The following CRTC1 variants were observed in gnomAD, a reference collection of about 807,000 sequenced individuals.
CRTC1 encodes the protein CREB-regulated transcription coactivator 1.
A neutral mutation model predicts 66.1 loss-of-function variants in CRTC1; 18 were observed. The ratio of observed to expected loss-of-function variants is 0.27; its 90% CI spans 0.19 to 0.40. The LOEUF is 0.40. Ranked by LOEUF, CRTC1 falls within the 10% of genes least tolerant of loss-of-function variation. The pLI, the probability that CRTC1 is intolerant of heterozygous loss-of-function variation, is 1.00. For missense variants in CRTC1, 669 were observed against 887.9 expected, an observed-to-expected ratio of 0.75 and a Z score of 3.13; for synonymous variants, 416 against 398.8, an observed-to-expected ratio of 1.04 and a Z score of -0.51.
At chr19:18,695,742 G>A (rs2052969735) in intron 1 of CRTC1, among the ~76,000 whole-genome samples, 1 of 152,164 alleles carries the variant, frequency 6.6e-6, no homozygotes, top group Admixed American at 6.6e-5. Context: ...GTGGGCGCCT[G>A]TGGTCCCAGC....
Position 18,777,096 on chromosome 19 carries a change from G to C in CRTC1, c.1694-75G>C. 1.2e-6 allele frequency: 1 copy of C among 844,378 alleles called. No homozygotes were observed. The highest frequency in any genetic ancestry group is 1.5e-5 in the South Asian group (1 of 67,626). 52.3% of individuals were successfully genotyped at this position (844,378 alleles called of 1,614,324 possible). A position where few individuals can be genotyped will look rare whatever the true frequency, so the allele number is the denominator to read the frequency against. On this transcript the variant is annotated intron_variant, in intron 13 of 13. Transcript: ENST00000321949. The surrounding 1 kb of genome is among the most constrained non-coding windows in gnomAD (Gnocchi z 5.5). Reference sequence around the variant, plus strand: ...GGGGACAGAGTCGCCCGGCGGGCATGCCTGGTCCGACACATGGATGCGAGC... The same window carrying C: ...GGGGACAGAGTCGCCCGGCGGGCATCCCTGGTCCGACACATGGATGCGAGC...
intron 1 of CRTC1, among the ~76,000 whole-genome samples, chr19:18,712,258 T>C (rs544998745): frequency 3.6e-4 from 53 of 147,826 alleles, no homozygotes; most frequent in South Asian, 2.2e-3. Flanking sequence ...GTTAGACGTT[T>C]GTTTGTTTGT....
At chr19:18,696,250 T>G (rs1161211413) in intron 1 of CRTC1, among the ~76,000 whole-genome samples, 2 of 151,892 alleles carry the variant, frequency 1.3e-5, no homozygotes, top group African/African-American at 4.8e-5. Flanking sequence ...CTGGTCAGGG[T>G]GAGGCAGGGC....
Position 18,729,300 on chromosome 19 carries a change from C to T in CRTC1, c.127-13610C>T, listed in dbSNP as rs558324637. Among the ~76,000 whole-genome samples the T allele has an allele frequency of 2.0e-5, 3 of 151,370 alleles. No homozygotes were observed. In the South Asian group the frequency reaches 6.2e-4, roughly 31 times the overall value. On this transcript the variant is annotated intron_variant, in intron 1 of 13. Transcript: ENST00000321949. The stretch of plus-strand genomic sequence containing the variant: ...AATTAGCCGGGCGTGGCGGCGGGCA[C>T]CTGTAGTCCCAGCTACTCAGGGGGC...
At chr19:18,724,806 TA>T (rs2053709482) in intron 1 of CRTC1, among the ~76,000 whole-genome samples, 1 of 149,656 alleles carries the variant, frequency 6.7e-6, no homozygotes, top group Admixed American at 6.7e-5. Flanking sequence ...TTTTTTCAAA[TA>T]AGGTCATACT....
intron 2 of CRTC1, among the ~76,000 whole-genome samples, chr19:18,744,867 G>C (rs1385772093): frequency 6.6e-6 from 1 of 152,192 alleles, no homozygotes; most frequent in African/African-American, 2.4e-5. Flanking sequence ...CTCTGGCCGA[G>C]GCTGGGACAA....
At chr19:18,730,244 C>G (rs1008642169) in intron 1 of CRTC1, among the ~76,000 whole-genome samples, 4 of 129,240 alleles carry the variant, frequency 3.1e-5, no homozygotes, top group African/African-American at 1.2e-4. Context: ...TGTGTAGATC[C>G]CACGAAGCAC....
At chr19:18,726,863 T>C (rs1384107798) in intron 1 of CRTC1, among the ~76,000 whole-genome samples, 1 of 142,710 alleles carries the variant, frequency 7.0e-6, no homozygotes, top group Non-Finnish European at 1.5e-5. Flanking sequence ...GAGGTGGAGG[T>C]TGCAGCGAGC....
Position 18,782,207 on chromosome 19 carries a change from C to T in CRTC1, c.*4825C>T, listed in dbSNP as rs1445868384. On this transcript the variant is annotated 3_prime_UTR_variant, in exon 14 of 14. Coordinates refer to ENST00000321949, the MANE Select transcript of CRTC1 (RefSeq NM_015321.3). ...GGGCCATGATTGTGGGCGGCCGCAG[C>T]GGGCGGGGGCAGGCGGCTCAGGGCA... 3 of 228,594 alleles carry T rather than the reference C, an allele frequency of 1.3e-5. No individual in the cohort carries two copies. Among genetic ancestry groups the T allele is most frequent in the Admixed American group, 5.4e-5 (1 of 18,510 alleles). The allele number at this position is 228,594 out of a possible 1,614,324, so 14.2% of individuals were successfully genotyped here. A position where few individuals can be genotyped will look rare whatever the true frequency, so the allele number is the denominator to read the frequency against.
chr19:18,777,277 C>G lies in CRTC1; in HGVS notation c.1800C>G (p.Leu600=), dbSNP rs2055011450. Residue 600 remains leucine (L), a synonymous_variant, in exon 14 of 14, where the codon CTC becomes CTG. Coordinates refer to ENST00000321949, the MANE Select transcript of CRTC1 (RefSeq NM_015321.3). This position sits in a 1 kb window ranked among gnomAD's most constrained non-coding sequence, Gnocchi z 5.5. Reference sequence around the variant, plus strand: ...ACAGCCAGTTTCCCCTGGACGAACTCAAGATCGACCCCCTGACCCTCGACG... The same window carrying G: ...ACAGCCAGTTTCCCCTGGACGAACTGAAGATCGACCCCCTGACCCTCGACG... ...DSDSQFPLDE[L]KIDPLTLDGL... 1 of 1,612,598 alleles carries G rather than the reference C, an allele frequency of 6.2e-7. No homozygotes were observed. Among genetic ancestry groups the G allele is most frequent in the African/African-American group, 1.3e-5 (1 of 75,034 alleles).
Position 18,706,182 on chromosome 19 carries a change from C to CTTT in CRTC1, c.126+22393_126+22395dup, listed in dbSNP as rs58104974. ...GGGCTTTCTATTCTATTCCATTGGT[C>CTTT]TTTTTTTTTTTTTTTTTTTTTTTTT... On this transcript the variant is annotated intron_variant, in intron 1 of 13. Coordinates refer to ENST00000321949, the MANE Select transcript of CRTC1 (RefSeq NM_015321.3). 5.3e-4 allele frequency among the ~76,000 whole-genome samples: 10 copies of CTTT among 18,720 alleles called. 4 individuals carry two copies. The highest frequency in any genetic ancestry group is 7.6e-4 in the Non-Finnish European group (7 of 9,218). 12.3% of individuals were successfully genotyped at this position (18,720 alleles called of 152,430 possible).
intron 1 of CRTC1, among the ~76,000 whole-genome samples, chr19:18,706,616 C>T (rs545634600): frequency 1.3e-5 from 2 of 151,922 alleles, no homozygotes; most frequent in Non-Finnish European, 2.9e-5. Flanking sequence ...TTTTGTTATT[C>T]TTTTTCAATA....
At chr19:18,756,905 C>T (rs752509779) in intron 6 of CRTC1, among the ~76,000 whole-genome samples, 5 of 152,104 alleles carry the variant, frequency 3.3e-5, no homozygotes, top group Non-Finnish European at 5.9e-5. Context: ...TGCAGAAATC[C>T]GGTAATGAAG....
At chr19:18,733,302 A>T (rs1347417649) in intron 1 of CRTC1, among the ~76,000 whole-genome samples, 1 of 152,026 alleles carries the variant, frequency 6.6e-6, no homozygotes, top group Non-Finnish European at 1.5e-5. Context: ...TTTTGTGGGG[A>T]GGGAGGCCCC....
At position 18,683,748 on chromosome 19, in the gene CRTC1, C is replaced by T; in HGVS notation, c.46C>T (p.Leu16=). 3 of 1,402,588 alleles carry T rather than the reference C, an allele frequency of 2.1e-6. No homozygotes were observed. Among genetic ancestry groups the T allele is most frequent in the Non-Finnish European group, 2.8e-6 (3 of 1,054,590 alleles). 86.9% of individuals were successfully genotyped at this position (1,402,588 alleles called of 1,614,324 possible). ...GCGGAAATTCAGCGAGAAGATCGCG[C>T]TGCACAATCAGAAGCAGGCGGAGGA... The part of the protein sequence containing the change: ...NPRKFSEKIA[L]HNQKQAEETA... Residue 16 remains leucine (L), a synonymous_variant, in exon 1 of 14, where the codon CTG becomes TTG. Transcript: ENST00000321949.
chr19:18,690,712 G>A (rs1053854480), intron 1 of CRTC1, among the ~76,000 whole-genome samples: 7 of 152,026 alleles, frequency 4.6e-5, no homozygotes, highest in African/African-American at 7.2e-5. Context: ...CCCTAAATCC[G>A]GTGACTGGTA....
At chr19:18,711,358 C>G (rs1287190415) in intron 1 of CRTC1, among the ~76,000 whole-genome samples, 6 of 152,120 alleles carry the variant, frequency 3.9e-5, no homozygotes, top group Non-Finnish European at 7.4e-5. Context: ...CATGAGGGCA[C>G]CGATCCTGCG....
intron 1 of CRTC1, among the ~76,000 whole-genome samples, chr19:18,700,028 AT>A (rs1057147282): frequency 6.6e-6 from 1 of 152,082 alleles, no homozygotes; most frequent in African/African-American, 2.4e-5. Flanking sequence ...CCTGAGCCTG[AT>A]TCCCCAGGAG....
intron 5 of CRTC1, among the ~76,000 whole-genome samples, chr19:18,750,247 C>T (rs1469653466): frequency 1.3e-5 from 2 of 152,196 alleles, no homozygotes; most frequent in African/African-American, 4.8e-5. Context: ...GGGTCGACTT[C>T]TAGCCACAGG....
Sources: gnomAD v4.1 joint callset for allele counts (sites outside exome capture counted in the v4.1 genomes callset) on GRCh38, gnomAD v4.1.1 for gene constraint, Gnocchi (gnomAD v3.1) non-coding constraint, MANE v1.5 for transcripts, NCBI Gene and HGNC (gene_info 2026-07-23, HGNC 2026-07-21) for gene names.